The following ZDHHC21 variants were observed in gnomAD, a reference collection of about 807,000 sequenced individuals.
ZDHHC21 encodes the protein zDHHC palmitoyltransferase 21, also known as palmitoyltransferase ZDHHC21.
ZDHHC21 carries 15 observed loss-of-function variants against 34.6 expected under a neutral mutation model. That is an observed-to-expected ratio of 0.43 (90% confidence interval 0.29 to 0.67). The LOEUF is 0.67. ZDHHC21 is among the 30% of genes least tolerant of loss of function. The probability of loss-of-function intolerance (pLI) is 0.14; values close to 1 mark genes in which losing one functional copy is unlikely to be tolerated. For missense variants in ZDHHC21, 344 were observed against 327.7 expected (o/e 1.05, Z -0.38); for synonymous variants, 142 against 101.8 (o/e 1.40, Z -2.38).
chr9:14,666,744 T>G (rs1834520298), intron 5 of ZDHHC21, among the ~76,000 whole-genome samples: 1 of 74,840 alleles, frequency 1.3e-5, no homozygotes, highest in African/African-American at 4.5e-5. Flanking sequence ...TGCTCCTGAA[T>G]GACTACTGGG....
chr9:14,677,521 C>G (rs575015674), intron 3 of ZDHHC21: 1 of 151,944 alleles, frequency 6.6e-6, no homozygotes, highest in African/African-American at 2.4e-5. Flanking sequence ...TGCTGTTACT[C>G]GGTCTTAAGG....
the ZDHHC21 span, among the ~76,000 whole-genome samples, chr9:14,598,747 A>T: frequency 2.0e-5 from 3 of 152,046 alleles, no homozygotes; most frequent in African/African-American, 7.2e-5. Context: ...TATTTATTTA[A>T]TTAATGTATT....
chr9:14,676,129 G>C (rs576525391), intron 3 of ZDHHC21, among the ~76,000 whole-genome samples: 2 of 152,060 alleles, frequency 1.3e-5, no homozygotes, highest in East Asian at 3.9e-4. Flanking sequence ...CTGAAGCTCT[G>C]GTGTGAATGA....
chr9:14,678,359 G>C (rs1836791604), intron 3 of ZDHHC21, among the ~76,000 whole-genome samples: 1 of 150,764 alleles, frequency 6.6e-6, no homozygotes, highest in Non-Finnish European at 1.5e-5. Context: ...AAGCATTCCT[G>C]GAAAAAATAC....
At chr9:14,623,445 C>T (rs1251444976) in intron 8 of ZDHHC21, among the ~76,000 whole-genome samples, 2 of 151,940 alleles carry the variant, frequency 1.3e-5, no homozygotes, top group Non-Finnish European at 2.9e-5. Flanking sequence ...GGGAGGTTTG[C>T]TTGAGCCCAG....
intron 3 of ZDHHC21, among the ~76,000 whole-genome samples, chr9:14,676,364 C>G (rs1368486992): frequency 6.6e-6 from 1 of 151,788 alleles, no homozygotes; most frequent in Non-Finnish European, 1.5e-5. Context: ...CTCAGGGCAC[C>G]ATCCCTTAGA....
chr9:14,675,103 G>A (rs1252473683), intron 3 of ZDHHC21, among the ~76,000 whole-genome samples: 1 of 151,908 alleles, frequency 6.6e-6, no homozygotes, highest in Admixed American at 6.6e-5. Context: ...ATCTCATTAT[G>A]ATCAACTGAA....
intron 8 of ZDHHC21, among the ~76,000 whole-genome samples, chr9:14,636,852 CAAATGA>C (rs1031867600): frequency 8.6e-5 from 13 of 151,956 alleles, no homozygotes; most frequent in African/African-American, 3.1e-4. Flanking sequence ...TTTCTTAAAA[CAAATGA>C]AAATGAAAAC....
At chr9:14,672,762 C>T (rs1415112468) in intron 5 of ZDHHC21, 68 bp downstream of exon 5, 1 of 1,041,732 alleles carries the variant, frequency 9.6e-7, no homozygotes, top group Middle Eastern at 2.1e-4. Context: ...ATATTAAAGG[C>T]AATAAAATAT....
chr9:14,656,711 T>C (rs531911447), intron 7 of ZDHHC21, among the ~76,000 whole-genome samples: 1 of 151,986 alleles, frequency 6.6e-6, no homozygotes, highest in African/African-American at 2.4e-5. Flanking sequence ...GAATTATTTA[T>C]AATGTACTGC....
intron 1 of ZDHHC21, among the ~76,000 whole-genome samples, chr9:14,692,138 G>A (rs1839248316): frequency 6.6e-6 from 1 of 152,062 alleles, no homozygotes; most frequent in African/African-American, 2.4e-5. Context: ...ACAAACTAAG[G>A]AAAAACAGAG....
chr9:14,643,721 G>A (rs980874162), intron 7 of ZDHHC21, among the ~76,000 whole-genome samples: 1 of 152,176 alleles, frequency 6.6e-6, no homozygotes, highest in African/African-American at 2.4e-5. Flanking sequence ...CACAGTGAAA[G>A]ATAGGAATCT....
At chr9:14,691,711 T>A (rs1199517631) in intron 1 of ZDHHC21, among the ~76,000 whole-genome samples, 2 of 152,198 alleles carry the variant, frequency 1.3e-5, no homozygotes, top group Non-Finnish European at 2.9e-5. Flanking sequence ...GAAATCTCAG[T>A]AGTGTCAAAG....
intron 6 of ZDHHC21, among the ~76,000 whole-genome samples, chr9:14,660,802 C>G (rs1412286587): frequency 6.6e-6 from 1 of 152,048 alleles, no homozygotes; most frequent in African/African-American, 2.4e-5. Flanking sequence ...TTCTTTCTTA[C>G]TACTGCATTC....
rs560982231 is a variant in ZDHHC21, at chr9:14,633,633, C to T, written c.621+6263G>A. Among the ~76,000 whole-genome samples, 4 of 152,242 alleles carry T rather than the reference C, an allele frequency of 2.6e-5. No individual in the cohort carries two copies. In the South Asian group the frequency reaches 8.3e-4, roughly 32 times the overall value. ...TCTGGAGCCCCACTGATATTCCCTG[C>T]CCACAGCCACTGCTGCAGTTGGCTG... On this transcript the variant is annotated intron_variant, in intron 8 of 9. Transcript: ENST00000380916.
chr9:14,692,996 C>G (rs1177903023), intron 1 of ZDHHC21, among the ~76,000 whole-genome samples: 6 of 151,912 alleles, frequency 3.9e-5, no homozygotes, highest in East Asian at 3.9e-4. Flanking sequence ...GGCTGTAGCT[C>G]TAGCAGAAGA....
At chr9:14,635,438 A>C (rs1194320071) in intron 8 of ZDHHC21, among the ~76,000 whole-genome samples, 1 of 152,222 alleles carries the variant, frequency 6.6e-6, no homozygotes, top group African/African-American at 2.4e-5. Flanking sequence ...AGCAAGAAAG[A>C]AAGCATCAAG....
Position 14,668,210 on chromosome 9 carries a change from GACAA to G in ZDHHC21, c.253+4616_253+4619del, listed in dbSNP as rs1347159771. Among the ~76,000 whole-genome samples, 31 of 135,618 alleles carry G rather than the reference GACAA, an allele frequency of 2.3e-4. 1 individual carries two copies. The South Asian group carries it at 3.7e-3, about 16-fold the overall frequency. The allele number at this position is 135,618 out of a possible 152,430, so 89.0% of individuals were successfully genotyped here. Reference sequence around the variant, plus strand: ...CAAGCATTCTTATACATCAACAACAGACAAACAGAGAGCCAAATCATGAGTGAAC... The same window carrying G: ...CAAGCATTCTTATACATCAACAACAGACAGAGAGCCAAATCATGAGTGAAC... On this transcript the variant is annotated intron_variant, in intron 5 of 9. Transcript: ENST00000380916.
intron 2 of ZDHHC21, among the ~76,000 whole-genome samples, chr9:14,682,861 T>C (rs1038046097): frequency 6.6e-6 from 1 of 152,098 alleles, no homozygotes; most frequent in African/African-American, 2.4e-5. Flanking sequence ...TGCAATCAAA[T>C]TAGAACTCAG....
Sources: gnomAD v4.1 joint callset for allele counts (sites outside exome capture counted in the v4.1 genomes callset) on GRCh38, gnomAD v4.1.1 for gene constraint, MANE v1.5 for transcripts, NCBI Gene and HGNC (gene_info 2026-07-23, HGNC 2026-07-21) for gene names.